RBFOX1: variants seen among roughly 807,000 people sequenced by gnomAD.
RBFOX1 encodes the protein RNA binding protein fox-1 homolog 1.
In RBFOX1, 8 loss-of-function variants were observed where a neutral mutation model predicts 57.7. The observed-to-expected ratio is 0.14, with a 90% CI of 0.08 to 0.25. The LOEUF is 0.25. Ranked by LOEUF, RBFOX1 falls within the 10% of genes least tolerant of loss-of-function variation. RBFOX1 has a pLI of 1.00. For missense variants in RBFOX1, 611 were observed against 548.5 expected (o/e 1.11, Z -1.14); for synonymous variants, 326 against 222.4 (o/e 1.47, Z -4.15).
intron 1 of RBFOX1, among the ~76,000 whole-genome samples, chr16:5,323,813 T>A (rs891769068): frequency 6.6e-6 from 1 of 152,228 alleles, no homozygotes; most frequent in African/African-American, 2.4e-5. Flanking sequence ...TCACCAGGGT[T>A]CTGTGCCAAC....
At chr16:6,832,669 T>C (rs1482562109) in intron 3 of RBFOX1, among the ~76,000 whole-genome samples, 1 of 152,180 alleles carries the variant, frequency 6.6e-6, no homozygotes, top group East Asian at 1.9e-4. Context: ...CTTCAGTAAT[T>C]ACTTTACCCA....
intron 1 of RBFOX1, among the ~76,000 whole-genome samples, chr16:6,265,086 A>T (rs904602674): frequency 6.6e-6 from 1 of 151,920 alleles, no homozygotes; most frequent in East Asian, 1.9e-4. Context: ...CTTTTTCCCT[A>T]CAAGCCATTC....
At chr16:7,477,463 A>ACAGCC (rs964961175) in intron 4 of RBFOX1, among the ~76,000 whole-genome samples, 2 of 152,088 alleles carry the variant, frequency 1.3e-5, no homozygotes, top group African/African-American at 4.8e-5. Flanking sequence ...CGATATTTCA[A>ACAGCC]CAGCCCCTTC....
intron 3 of RBFOX1, among the ~76,000 whole-genome samples, chr16:5,724,593 G>A (rs975951140): frequency 2.0e-5 from 3 of 152,120 alleles, no homozygotes; most frequent in African/African-American, 7.2e-5. Context: ...TTGTCATGAG[G>A]TTCAGAGAGC....
At chr16:7,292,665 A>G (rs1044198807) in intron 4 of RBFOX1, among the ~76,000 whole-genome samples, 18 of 151,852 alleles carry the variant, frequency 1.2e-4, no homozygotes, top group African/African-American at 2.9e-4. Context: ...TCTATGAGGC[A>G]TGTAAGAACG....
chr16:7,435,972 A>G (rs912224670), intron 4 of RBFOX1, among the ~76,000 whole-genome samples: 1 of 152,160 alleles, frequency 6.6e-6, no homozygotes, highest in East Asian at 1.9e-4. Context: ...TTTATGACAT[A>G]GCGACCTCTT....
intron 3 of RBFOX1, among the ~76,000 whole-genome samples, chr16:5,789,035 A>G (rs529511493): frequency 7.2e-5 from 11 of 152,242 alleles, no homozygotes; most frequent in African/African-American, 2.4e-4. Context: ...AGTCCAAACT[A>G]GTGAAAAGTT....
chr16:5,750,921 A>G (rs1046806668), intron 3 of RBFOX1, among the ~76,000 whole-genome samples: 4 of 152,178 alleles, frequency 2.6e-5, no homozygotes, highest in African/African-American at 9.6e-5. Flanking sequence ...GGTACTGGGA[A>G]ATTCAGAAAT....
chr16:5,390,991 A>T (rs577500589), intron 1 of RBFOX1, among the ~76,000 whole-genome samples: 39 of 152,292 alleles, frequency 2.6e-4, no homozygotes, highest in African/African-American at 8.7e-4. Flanking sequence ...TGATGCTTTC[A>T]TTCCAGCATC....
intron 3 of RBFOX1, chr16:6,773,821 TGTG>T (rs1037421467): frequency 1.5e-4 from 45 of 296,386 alleles, no homozygotes; most frequent in African/African-American, 5.3e-4. Context: ...GCATTTGTGT[TGTG>T]GGGGCATGGG....
Position 6,433,829 on chromosome 16 carries a change from A to C in RBFOX1, c.-64+116772A>C, listed in dbSNP as rs1296646034. Reference sequence around the variant, plus strand: ...TCACACCTCCTTTTCCTCTAGCTCCAACCTCTTTTCATTTTTCTTTTTTTT... The same window carrying C: ...TCACACCTCCTTTTCCTCTAGCTCCCACCTCTTTTCATTTTTCTTTTTTTT... On this transcript the variant is annotated intron_variant, in intron 2 of 15. Coordinates refer to ENST00000550418, the MANE Select transcript of RBFOX1 (RefSeq NM_018723.4). 2.0e-5 allele frequency among the ~76,000 whole-genome samples: 3 copies of C among 146,622 alleles called. No individual in the cohort carries two copies. The South Asian group carries it at 6.5e-4, about 32-fold the overall frequency.
chr16:5,425,213 C>T (rs143764840), intron 1 of RBFOX1, among the ~76,000 whole-genome samples: 3,339 of 151,792 alleles, frequency 0.022, 56 homozygotes, highest in East Asian at 0.049. Context: ...TCAAGTGATT[C>T]CCCTGCCTCA....
chr16:6,069,476 A>G (rs1485334078), intron 1 of RBFOX1, among the ~76,000 whole-genome samples: 1 of 151,764 alleles, frequency 6.6e-6, no homozygotes, highest in Non-Finnish European at 1.5e-5. Context: ...AAGAAAGCTG[A>G]GTCCTGCCTT....
intron 3 of RBFOX1, among the ~76,000 whole-genome samples, chr16:6,992,556 C>G (rs369185727): frequency 6.6e-6 from 1 of 152,182 alleles, no homozygotes; most frequent in East Asian, 1.9e-4. Flanking sequence ...CCAAGGTCAG[C>G]TTGGGTTCCT....
At chr16:5,265,076 C>T (rs2062825859) in intron 1 of RBFOX1, among the ~76,000 whole-genome samples, 1 of 151,794 alleles carries the variant, frequency 6.6e-6, no homozygotes. Flanking sequence ...AAAATAGCAA[C>T]CTTATGTTGG....
chr16:5,331,259 A>C (rs2064748054), intron 1 of RBFOX1, among the ~76,000 whole-genome samples: 1 of 152,238 alleles, frequency 6.6e-6, no homozygotes, highest in Non-Finnish European at 1.5e-5. Context: ...TCATCACCAG[A>C]TGGTTGTCAT....
rs185400746 is a variant in RBFOX1, at chr16:6,353,238, C to A, written c.-64+36181C>A. Among the ~76,000 whole-genome samples, 11 of 152,194 alleles carry A rather than the reference C, an allele frequency of 7.2e-5. No individual in the cohort carries two copies. The East Asian group carries it at 1.9e-3, about 27-fold the overall frequency. On this transcript the variant is annotated intron_variant, in intron 2 of 15. Coordinates refer to ENST00000550418, the MANE Select transcript of RBFOX1 (RefSeq NM_018723.4). ...GGGAAATGCTGCCGCTTTTATCATA[C>A]GTCCTCCATCTGAAATGCACTTGGA...
chr16:6,294,163 CAG>C (rs1346334133), intron 1 of RBFOX1, among the ~76,000 whole-genome samples: 13 of 152,210 alleles, frequency 8.5e-5, no homozygotes. Context: ...GCCTGAGCGA[CAG>C]AGTGAGACCC....
chr16:5,329,879 G>A (rs1260981344), intron 1 of RBFOX1, among the ~76,000 whole-genome samples: 1 of 151,794 alleles, frequency 6.6e-6, no homozygotes, highest in Non-Finnish European at 1.5e-5. Flanking sequence ...GCAGGCACCT[G>A]TAGTGATGTG....
Sources: gnomAD v4.1 joint callset for allele counts (sites outside exome capture counted in the v4.1 genomes callset) on GRCh38, gnomAD v4.1.1 for gene constraint, MANE v1.5 for transcripts, NCBI Gene and HGNC (gene_info 2026-07-23, HGNC 2026-07-21) for gene names.